The following RPL31 variants were observed in gnomAD, a reference collection of about 807,000 sequenced individuals.
RPL31 encodes the protein ribosomal protein L31.
For missense variants in RPL31, 95 were observed against 164.0 expected, an observed-to-expected ratio of 0.58 and a Z score of 2.30; for synonymous variants, 51 against 55.0, an observed-to-expected ratio of 0.93 and a Z score of 0.32.
Position 101,002,797 on chromosome 2 carries a change from C to T in RPL31, c.96C>T (p.Arg32=). The T allele has an allele frequency of 1.2e-6, 2 of 1,613,196 alleles. No homozygotes were observed. Among genetic ancestry groups the T allele is most frequent in the Non-Finnish European group, 1.7e-6 (2 of 1,179,144 alleles). ...TREYTINIHK[R]IHGVGFKKRA... The stretch of plus-strand genomic sequence containing the variant: ...AATACACCATCAACATTCACAAGCG[C>T]ATCCATGGAGTGTGAGTATCCCTCT... The change falls in exon 2 of 5, where the codon CGC becomes CGT. Residue 32 remains arginine (R), a synonymous_variant. Coordinates refer to ENST00000264258, the MANE Select transcript of RPL31 (RefSeq NM_000993.5).
chr2:101,008,525 C>G (rs143716918), downstream of RPL31, among the ~76,000 whole-genome samples: 2 of 152,286 alleles, frequency 1.3e-5, no homozygotes, highest in Non-Finnish European at 2.9e-5. Flanking sequence ...ATTCAAGAAA[C>G]CACAGCAGGC....
At chr2:101,016,058 C>A (rs1298943001) in intron 4 of RPL31, among the ~76,000 whole-genome samples, 9 of 151,806 alleles carry the variant, frequency 5.9e-5, no homozygotes, top group Middle Eastern at 3.4e-3. Flanking sequence ...GCAACAAAAG[C>A]CAAAATTGAC....
chr2:101,017,850 C>T, intron 4 of RPL31: 2 of 1,550,666 alleles, frequency 1.3e-6, no homozygotes, highest in Non-Finnish European at 8.7e-7. Flanking sequence ...ACATGCAATT[C>T]CCAATTAGGT....
chr2:101,002,538 G>A, intron 1 of RPL31, 164 bp from the exon 2 acceptor site: 1 of 632,736 alleles, frequency 1.6e-6, no homozygotes, highest in Non-Finnish European at 2.9e-6. Flanking sequence ...AGGCATCTGA[G>A]GGGCGCAGGG....
intron 4 of RPL31, among the ~76,000 whole-genome samples, chr2:101,013,919 A>G (rs908378622): frequency 6.6e-6 from 1 of 152,248 alleles, no homozygotes; most frequent in African/African-American, 2.4e-5. Context: ...AGTGGTTGGA[A>G]ACAGCAATCA....
chr2:101,015,869 T>C (rs1281310186), intron 4 of RPL31, among the ~76,000 whole-genome samples: 1 of 152,068 alleles, frequency 6.6e-6, no homozygotes, highest in East Asian at 1.9e-4. Context: ...TGGCTAGCCA[T>C]ATGTAGAAAG....
At chr2:101,015,812 A>G (rs1679588539) in intron 4 of RPL31, among the ~76,000 whole-genome samples, 1 of 152,252 alleles carries the variant, frequency 6.6e-6, no homozygotes. Flanking sequence ...GAGAAAAACA[A>G]GCAATGGGGA....
Position 101,014,789 on chromosome 2 carries a change from G to A in RPL31, c.347-4209G>A, listed in dbSNP as rs1679490810. On this transcript the variant is annotated intron_variant, in intron 4 of 4. Transcript: ENST00000409028. ...GTTTCTTAGCATAGCCGTAAGAAAA[G>A]CCTGACCAAAAAGTGAAGAATCAAG... Among the ~76,000 whole-genome samples the A allele has an allele frequency of 2.6e-5, 4 of 152,176 alleles. No homozygotes were observed. The South Asian group carries it at 8.3e-4, about 32-fold the overall frequency.
chr2:101,006,120 C>G (rs1177215577), intron 4 of RPL31, 49 bp downstream of exon 4: 16 of 1,589,616 alleles, frequency 1.0e-5, no homozygotes, highest in Non-Finnish European at 1.4e-5. Flanking sequence ...GAAAAATGTC[C>G]TTACCTCTTA....
intron 4 of RPL31, chr2:101,018,028 TATC>T: frequency 8.3e-7 from 1 of 1,200,814 alleles, no homozygotes; most frequent in Non-Finnish European, 1.2e-6. Context: ...TCATTCTACA[TATC>T]AACCCCTTTT....
At chr2:101,011,441 AG>A (rs1396340330), downstream of RPL31, 1 of 1,613,780 alleles carries the variant, frequency 6.2e-7, no homozygotes, top group South Asian at 1.1e-5. Context: ...CAATGAAAAG[AG>A]GTACGTGCCA....
chr2:101,008,295 G>A (rs766337418), downstream of RPL31: 2 of 1,495,316 alleles, frequency 1.3e-6, no homozygotes, highest in Non-Finnish European at 1.8e-6. Context: ...ATAAGTCTTA[G>A]GTAGCAGCAG....
intron 4 of RPL31, among the ~76,000 whole-genome samples, chr2:101,018,487 A>AT (rs1231415001): frequency 3.3e-5 from 5 of 152,222 alleles, no homozygotes; most frequent in Non-Finnish European, 1.5e-5. Context: ...TTGGTTATGT[A>AT]TAAGACCTCA....
At position 101,006,580 on chromosome 2, in the gene RPL31, A is replaced by G; in HGVS notation, c.*199A>G. The G allele has an allele frequency of 1.9e-6, 1 of 528,552 alleles. No individual in the cohort carries two copies. The highest frequency in any genetic ancestry group is 3.2e-5 in the East Asian group (1 of 30,908). 32.7% of individuals were successfully genotyped at this position (528,552 alleles called of 1,614,324 possible). On this transcript the variant is annotated 3_prime_UTR_variant, in exon 5 of 5. Coordinates refer to ENST00000264258, the MANE Select transcript of RPL31 (RefSeq NM_000993.5). ...TTTCAAACTGCAACCTAGTTTTAGA[A>G]CCACTGTTCTGGGTAGTTGGGATAC...
intron 4 of RPL31, among the ~76,000 whole-genome samples, chr2:101,017,665 A>G (rs1679755482): frequency 6.6e-6 from 1 of 152,210 alleles, no homozygotes. Context: ...GTGTATTTCC[A>G]ATTGTACTAC....
At chr2:101,007,916 A>G (rs1364127385), downstream of RPL31, 4 of 1,613,996 alleles carry the variant, frequency 2.5e-6, no homozygotes, top group East Asian at 4.5e-5. Flanking sequence ...TCAAGTTTGG[A>G]TTTCATGTCC....
chr2:101,011,974 G>A (rs1024892164), downstream of RPL31, among the ~76,000 whole-genome samples: 1 of 152,186 alleles, frequency 6.6e-6, no homozygotes, highest in African/African-American at 2.4e-5. Context: ...TCTCTACAAT[G>A]AGCACATACT....
intron 3 of RPL31, chr2:101,004,517 C>T: frequency 2.1e-6 from 1 of 487,104 alleles, no homozygotes; most frequent in Non-Finnish European, 3.6e-6. Context: ...TGGGAAAGAG[C>T]ATTGCAGAGA....
downstream of RPL31, chr2:101,007,958 GT>G: frequency 6.2e-7 from 1 of 1,614,026 alleles, no homozygotes; most frequent in Non-Finnish European, 8.5e-7. Context: ...ACTAATGACT[GT>G]TCAGTCAGAA....
Sources: allele counts gnomAD v4.1 joint callset (sites outside exome capture counted in the v4.1 genomes callset), GRCh38; gene constraint gnomAD v4.1.1; transcripts MANE v1.5; gene names NCBI Gene and HGNC (gene_info 2026-07-23, HGNC 2026-07-21).